Variants in BBS9 observed in about 807,000 individuals in gnomAD.
The protein encoded by BBS9 is protein PTHB1.
Under a neutral mutation model 117.7 loss-of-function variants are expected in BBS9, and 89 were observed. That is an observed-to-expected ratio of 0.76 (90% CI 0.64 to 0.90). BBS9 has a LOEUF of 0.90. BBS9 is among the 40% of genes least tolerant of loss of function. The pLI, the probability that BBS9 is intolerant of heterozygous loss-of-function variation, is 0.00. For synonymous variants in BBS9, 379 were observed against 370.9 expected (o/e 1.02, Z -0.25); for missense variants, 982 against 1,042.2 (o/e 0.94, Z 0.80).
intron 19 of BBS9, among the ~76,000 whole-genome samples, chr7:33,449,634 T>G (rs1217596229): frequency 6.6e-6 from 1 of 152,166 alleles, no homozygotes; most frequent in South Asian, 2.1e-4. Context: ...ATTGGAATGG[T>G]CAGCATGTAT....
intron 21 of BBS9, among the ~76,000 whole-genome samples, chr7:33,556,312 A>G (rs1855285398): frequency 6.6e-6 from 1 of 152,174 alleles, no homozygotes; most frequent in African/African-American, 2.4e-5. Flanking sequence ...TGTGTTGAAT[A>G]TTATTTAACC....
chr7:33,314,235 CT>C, intron 9 of BBS9: 1 of 409,090 alleles, frequency 2.4e-6, no homozygotes, highest in East Asian at 7.4e-5. Context: ...TTTTAATTTC[CT>C]TTCTTTTTTT....
At chr7:33,500,591 C>T (rs1455090219) in intron 19 of BBS9, among the ~76,000 whole-genome samples, 1 of 152,158 alleles carries the variant, frequency 6.6e-6, no homozygotes, top group Non-Finnish European at 1.5e-5. Flanking sequence ...GCACACAGTG[C>T]CTGGCCCACA....
chr7:33,613,921 A>G (rs1252995290), intron 21 of BBS9, among the ~76,000 whole-genome samples: 1 of 152,102 alleles, frequency 6.6e-6, no homozygotes, highest in Non-Finnish European at 1.5e-5. Flanking sequence ...CTTATGTCCT[A>G]ATTTAAGAAA....
chr7:33,351,297 C>T lies in BBS9; in HGVS notation c.1511C>T (p.Ala504Val), dbSNP rs750504833. ...ACACCATCAGAATTGGAAGGAAATGCTGTTGTTTCTTATTCCAGACCAACA... is the reference window on the plus strand; with the variant it reads ...ACACCATCAGAATTGGAAGGAAATGTTGTTGTTTCTTATTCCAGACCAACA... ...SYTPSELEGN[A>V]VVSYSRPTDR... Residue 504 changes from alanine (A) to valine (V), a missense_variant, in exon 14 of 23, where the codon GCT becomes GTT. Physicochemically the swap from Ala to Val is moderately conservative, Grantham distance 64. Transcript: ENST00000242067. 6 of 1,611,716 alleles carry T rather than the reference C, an allele frequency of 3.7e-6. No homozygotes were observed. The highest frequency in any genetic ancestry group is 1.1e-5 in the South Asian group (1 of 91,050).
intron 19 of BBS9, among the ~76,000 whole-genome samples, chr7:33,430,686 T>C (rs1834307246): frequency 6.6e-6 from 1 of 152,200 alleles, no homozygotes; most frequent in African/African-American, 2.4e-5. Flanking sequence ...TAAAATATGA[T>C]AAAATCTGGG....
At chr7:33,495,445 GAAACT>G (rs1844575973) in intron 19 of BBS9, among the ~76,000 whole-genome samples, 1 of 152,196 alleles carries the variant, frequency 6.6e-6, no homozygotes, top group Non-Finnish European at 1.5e-5. Context: ...TCTAAACTTA[GAAACT>G]ATTCAGATCA....
intron 21 of BBS9, among the ~76,000 whole-genome samples, chr7:33,625,251 T>C (rs1865584411): frequency 6.6e-6 from 1 of 152,082 alleles, no homozygotes; most frequent in Non-Finnish European, 1.5e-5. Context: ...GGAGATGAAA[T>C]AGAAATGAGT....
intron 21 of BBS9, among the ~76,000 whole-genome samples, chr7:33,585,012 A>G (rs1345897347): frequency 6.6e-6 from 1 of 152,102 alleles, no homozygotes; most frequent in Non-Finnish European, 1.5e-5. Context: ...TTTCCTCAAC[A>G]GAATTGGTAA....
At chr7:33,581,620 A>G (rs1368838068) in intron 21 of BBS9, among the ~76,000 whole-genome samples, 1 of 152,172 alleles carries the variant, frequency 6.6e-6, no homozygotes. Flanking sequence ...TGAAAGTTAG[A>G]AGTATCACCT....
intron 5 of BBS9, among the ~76,000 whole-genome samples, chr7:33,192,406 C>T (rs748590902): frequency 1.1e-4 from 17 of 152,110 alleles, no homozygotes; most frequent in African/African-American, 2.9e-4. Flanking sequence ...ACCTGCAATT[C>T]GTGCACTTGA....
At chr7:33,174,435 G>T (rs1014774330) in intron 4 of BBS9, among the ~76,000 whole-genome samples, 12 of 152,216 alleles carry the variant, frequency 7.9e-5, no homozygotes, top group African/African-American at 2.7e-4. Flanking sequence ...TTGAGCCAGA[G>T]TAGGCTCAGA....
At chr7:33,155,134 T>TA (rs1342314815) in intron 3 of BBS9, among the ~76,000 whole-genome samples, 2 of 152,262 alleles carry the variant, frequency 1.3e-5, no homozygotes, top group African/African-American at 4.8e-5. Flanking sequence ...ATACTTGTAA[T>TA]AAAATTTCAG....
chr7:33,284,225 G>T (rs950368626), intron 9 of BBS9, among the ~76,000 whole-genome samples: 2 of 152,068 alleles, frequency 1.3e-5, no homozygotes, highest in Non-Finnish European at 2.9e-5. Flanking sequence ...AAGATATTTG[G>T]TAGGCTTCAA....
intron 9 of BBS9, among the ~76,000 whole-genome samples, chr7:33,315,602 T>G (rs1479823155): frequency 1.3e-5 from 2 of 152,006 alleles, no homozygotes; most frequent in African/African-American, 4.8e-5. Flanking sequence ...ACCACACTGA[T>G]AAAGAGAAAT....
intron 21 of BBS9, among the ~76,000 whole-genome samples, chr7:33,546,476 T>C (rs1257065144): frequency 6.6e-6 from 1 of 152,226 alleles, no homozygotes; most frequent in Non-Finnish European, 1.5e-5. Flanking sequence ...TAGAAGATTT[T>C]ATAGTTGCCT....
At chr7:33,432,713 C>T (rs570874096) in intron 19 of BBS9, among the ~76,000 whole-genome samples, 10 of 151,720 alleles carry the variant, frequency 6.6e-5, no homozygotes, top group East Asian at 3.9e-4. Context: ...CAAACTATAT[C>T]GCTTTTATTA....
chr7:33,182,666 T>G (rs1280878742), intron 5 of BBS9, among the ~76,000 whole-genome samples: 2 of 152,220 alleles, frequency 1.3e-5, no homozygotes, highest in Non-Finnish European at 2.9e-5. Context: ...AAGTGCCTAT[T>G]ATTTTTAAAC....
intron 5 of BBS9, among the ~76,000 whole-genome samples, chr7:33,207,234 A>G (rs779480519): frequency 2.6e-5 from 4 of 152,196 alleles, no homozygotes; most frequent in Non-Finnish European, 5.9e-5. Flanking sequence ...TCCCCCTTGA[A>G]TTGATAACCC....
Sources: allele counts gnomAD v4.1 joint callset (sites outside exome capture counted in the v4.1 genomes callset), GRCh38; gene constraint gnomAD v4.1.1; transcripts MANE v1.5; gene names NCBI Gene and HGNC (gene_info 2026-07-23, HGNC 2026-07-21).